FANCC: variants seen among roughly 807,000 people sequenced by gnomAD.
FANCC encodes FA complementation group C.
In FANCC, 55 loss-of-function variants were observed where a neutral mutation model predicts 71.3. That is an observed-to-expected ratio of 0.77 (90% confidence interval 0.62 to 0.97). The LOEUF (loss-of-function observed/expected upper bound fraction) is 0.97. Among genes scored for constraint, FANCC ranks in the 50% least tolerant of loss-of-function variants. The pLI is 0.00. For synonymous variants in FANCC, 275 were observed against 244.9 expected, an observed-to-expected ratio of 1.12 and a Z score of -1.15; for missense variants, 678 against 670.9, an observed-to-expected ratio of 1.01 and a Z score of -0.12.
At chr9:95,240,026 C>T (rs74939308) in intron 4 of FANCC, among the ~76,000 whole-genome samples, 2 of 152,214 alleles carry the variant, frequency 1.3e-5, no homozygotes, top group Admixed American at 6.5e-5. Flanking sequence ...CCCAGCCTCA[C>T]CACATCTCTA....
At chr9:95,308,774 T>C (rs1295123870) in intron 1 of FANCC, among the ~76,000 whole-genome samples, 1 of 152,136 alleles carries the variant, frequency 6.6e-6, no homozygotes, top group South Asian at 2.1e-4. Context: ...TGAAGATACC[T>C]GAAACTTTGA....
chr9:95,123,898 A>C, intron 10 of FANCC: 1 of 482,610 alleles, frequency 2.1e-6, no homozygotes, highest in Non-Finnish European at 3.9e-6. Context: ...CTGAAGACGG[A>C]CTATTCTCTT....
chr9:95,273,177 G>A (rs543981889), intron 1 of FANCC, among the ~76,000 whole-genome samples: 1 of 152,356 alleles, frequency 6.6e-6, no homozygotes, highest in South Asian at 2.1e-4. Context: ...GACGAGGGAA[G>A]GGTGGTGAAC....
At chr9:95,150,393 C>T (rs1830111091) in intron 6 of FANCC, among the ~76,000 whole-genome samples, 1 of 152,172 alleles carries the variant, frequency 6.6e-6, no homozygotes, top group Admixed American at 6.5e-5. Context: ...TTCCCCAGTG[C>T]TATCTTGTTT....
intron 4 of FANCC, among the ~76,000 whole-genome samples, chr9:95,197,471 C>T (rs997063226): frequency 6.6e-6 from 1 of 152,122 alleles, no homozygotes; most frequent in South Asian, 2.1e-4. Flanking sequence ...TCTGGGAGGT[C>T]AAGGCTACAA....
Position 95,101,153 on chromosome 9 carries a change from C to T in FANCC, c.*554G>A, listed in dbSNP as rs1310630955. On this transcript the variant is annotated 3_prime_UTR_variant, in exon 15 of 15. Transcript: ENST00000289081. ...CCCGGGCTTGGGTGTGCTGTCTGCT[C>T]CTGTGGCCTGTCAGGCAGGTCCAGG... 1 of 246,208 alleles carries T rather than the reference C, an allele frequency of 4.1e-6. No individual in the cohort carries two copies. The highest frequency in any genetic ancestry group is 2.2e-5 in the African/African-American group (1 of 45,470). The allele number at this position is 246,208 out of a possible 1,614,324, so 15.3% of individuals were successfully genotyped here. A position where few individuals can be genotyped will look rare whatever the true frequency, so the allele number is the denominator to read the frequency against.
chr9:95,244,678 C>CAAAAAAAAAAAA (rs576605250), intron 3 of FANCC, among the ~76,000 whole-genome samples: 3 of 41,570 alleles, frequency 7.2e-5, no homozygotes, highest in African/African-American at 9.9e-5. Flanking sequence ...GACTTTGTCT[C>CAAAAAAAAAAAA]AAAAAAAAAA....
chr9:95,285,969 T>C (rs1027150138), intron 1 of FANCC, among the ~76,000 whole-genome samples: 3 of 152,212 alleles, frequency 2.0e-5, no homozygotes, highest in Non-Finnish European at 4.4e-5. Flanking sequence ...ATTATATAAT[T>C]TGTAATACAG....
chr9:95,189,528 C>CA (rs11425135), intron 4 of FANCC, among the ~76,000 whole-genome samples: 74,733 of 151,590 alleles, frequency 0.49, 18,978 homozygotes, highest in African/African-American at 0.62. Flanking sequence ...TCATTAGTTC[C>CA]GGGGGGGGAA....
At chr9:95,132,521 C>A (rs1243172671) in intron 8 of FANCC, among the ~76,000 whole-genome samples, 2 of 152,194 alleles carry the variant, frequency 1.3e-5, no homozygotes, top group Non-Finnish European at 2.9e-5. Flanking sequence ...TGAAAAGTTT[C>A]AGTCTGTACA....
intron 5 of FANCC, 74 bp from the exon 6 acceptor site, chr9:95,171,217 G>C (rs913914604): frequency 1.1e-5 from 13 of 1,169,470 alleles, no homozygotes; most frequent in Non-Finnish European, 1.7e-5. Context: ...TTCTTGGTGT[G>C]AGTGATATTT....
chr9:95,166,940 C>G (rs1338906361), intron 6 of FANCC, among the ~76,000 whole-genome samples: 1 of 152,180 alleles, frequency 6.6e-6, no homozygotes, highest in East Asian at 1.9e-4. Flanking sequence ...AATATTCTTT[C>G]ATTTCAACTT....
At chr9:95,235,618 G>C (rs1230592567) in intron 4 of FANCC, among the ~76,000 whole-genome samples, 2 of 152,144 alleles carry the variant, frequency 1.3e-5, no homozygotes, top group Non-Finnish European at 2.9e-5. Context: ...GCTGAGGTGG[G>C]CAGATCACGT....
intron 4 of FANCC, among the ~76,000 whole-genome samples, chr9:95,227,411 G>A (rs1017396456): frequency 6.6e-6 from 1 of 152,156 alleles, no homozygotes; most frequent in Non-Finnish European, 1.5e-5. Flanking sequence ...ACAGACACAA[G>A]CTACATTCTT....
In FANCC at chr9:95,171,123, A is replaced by G. The variant is rs2135579406; in HGVS notation, c.477T>C (p.Ser159=). 6.2e-7 allele frequency: 1 copy of G among 1,613,536 alleles called. No individual in the cohort carries two copies. Among genetic ancestry groups the G allele is most frequent in the Non-Finnish European group, 8.5e-7 (1 of 1,179,574 alleles). Residue 159 remains serine (S), a synonymous_variant, in exon 6 of 15, where the codon TCT becomes TCC. Transcript: ENST00000289081. ...LLKNMVLSLA[S]ELRENHLNGF... is the part of the protein sequence containing the mutation. ...CATTAAGATGATTCTCTCTGAGTTC[A>G]GACGCTAATGATAAAACCATCTGTA...
Position 95,101,782 on chromosome 9 carries a change from A to G in FANCC, c.1602T>C (p.Asn534=). 1 of 1,614,150 alleles carries G rather than the reference A, an allele frequency of 6.2e-7. No homozygotes were observed. The highest frequency in any genetic ancestry group is 8.5e-7 in the Non-Finnish European group (1 of 1,180,028). Residue 534 remains asparagine, a synonymous_variant, in exon 15 of 15, where the codon AAT becomes AAC. Coordinates refer to ENST00000289081, the MANE Select transcript of FANCC (RefSeq NM_000136.3). ...ATCTAGGGCTTTCAATGCCAAGACG[A>G]TTCCATCTGTACAAGGTCTGGTCAA... The part of the protein sequence containing the change: ...GFLDQTLYRW[N]RLGIESPRSE...
chr9:95,151,857 G>A (rs1279233709), intron 6 of FANCC, among the ~76,000 whole-genome samples: 1 of 151,820 alleles, frequency 6.6e-6, no homozygotes, highest in Non-Finnish European at 1.5e-5. Flanking sequence ...GAGCCCAAGA[G>A]GTCAAGGCTG....
intron 1 of FANCC, among the ~76,000 whole-genome samples, chr9:95,263,533 T>TATAGATAGATAGATAG (rs34461769): frequency 1.5e-4 from 22 of 147,284 alleles, no homozygotes; most frequent in African/African-American, 2.7e-4. Flanking sequence ...TATATATAGA[T>TATAGATAGATAGATAG]ATAGATAGAT....
At position 95,293,490 on chromosome 9, in the gene FANCC, G is replaced by A. The variant is rs553750626; in HGVS notation, c.-79+24036C>T. On this transcript the variant is annotated intron_variant, in intron 1 of 14. Coordinates refer to ENST00000289081, the MANE Select transcript of FANCC (RefSeq NM_000136.3). ...TGCTGTTGAGCCAATAAGTACTGGT[G>A]TTCAAGTGAACTTGGGTAAAAGTCC... 137 of 1,581,086 alleles carry A rather than the reference G, an allele frequency of 8.7e-5. 1 individual carries two copies. The South Asian group carries it at 1.5e-3, about 17-fold the overall frequency.
Sources: gnomAD v4.1 joint callset for allele counts (sites outside exome capture counted in the v4.1 genomes callset) on GRCh38, gnomAD v4.1.1 for gene constraint, MANE v1.5 for transcripts, NCBI Gene and HGNC (gene_info 2026-07-23, HGNC 2026-07-21) for gene names.